The following RNF38 variants were observed in gnomAD, a reference collection of about 807,000 sequenced individuals.
The protein encoded by RNF38 is E3 ubiquitin-protein ligase RNF38.
Under a neutral mutation model 67.2 loss-of-function variants are expected in RNF38, and 15 were observed. The observed-to-expected ratio is 0.22, with a 90% CI of 0.15 to 0.34. RNF38 has a LOEUF of 0.34. RNF38 is among the 10% of genes least tolerant of loss of function. The pLI is 1.00. For missense variants in RNF38, 524 were observed against 639.9 expected (o/e 0.82, Z 1.95); for synonymous variants, 220 against 218.8 (o/e 1.01, Z -0.05).
At chr9:36,399,998 T>C (rs1490204045) in intron 1 of RNF38, 99 bp downstream of exon 1, 5 of 1,079,678 alleles carry the variant, frequency 4.6e-6, no homozygotes, top group East Asian at 2.5e-5. Flanking sequence ...GTGGCAATAA[T>C]TACATGTGTG....
chr9:36,375,883 A>G (rs538979814), intron 3 of RNF38, 51 bp downstream of exon 3: 1 of 1,521,610 alleles, frequency 6.6e-7, no homozygotes, highest in South Asian at 1.2e-5. Context: ...AAATATACTC[A>G]CAAATCTACC....
chr9:36,421,426 G>A lies in RNF38; in HGVS notation n.312+3187C>T, dbSNP rs185046574. Among the ~76,000 whole-genome samples the A allele has an allele frequency of 9.1e-4, 139 of 152,232 alleles. 1 individual carries two copies. Among genetic ancestry groups the A allele is most frequent in the African/African-American group, 3.2e-3 (133 of 41,540 alleles). ...CGCCTGTAATACCAGCACTTTGGGA[G>A]GCTGAGGTGGGAGGATCACTTGAGG... On this transcript the variant is annotated intron_variant and non_coding_transcript_variant, in intron 2 of 3. Transcript: ENST00000488058.
At chr9:36,382,240 T>C (rs140828275) in intron 2 of RNF38, among the ~76,000 whole-genome samples, 2,504 of 152,310 alleles carry the variant, frequency 0.016, 39 homozygotes, top group Non-Finnish European at 0.024. Flanking sequence ...TTTAATAATA[T>C]AGAACGTTGT....
Position 36,389,368 on chromosome 9 carries a change from T to C in RNF38, c.162+1099A>G, listed in dbSNP as rs74392884. Among the ~76,000 whole-genome samples the C allele has an allele frequency of 6.2e-3, 946 of 151,836 alleles. 13 individuals are homozygous for C. The highest frequency in any genetic ancestry group is 0.022 in the African/African-American group (903 of 41,386). ...CCAAAAAAAAAAAAAAAACCCTTTTTATTGGTGGCAGTATTAAGGGTATTA... is the reference window on the plus strand; with the variant it reads ...CCAAAAAAAAAAAAAAAACCCTTTTCATTGGTGGCAGTATTAAGGGTATTA... On this transcript the variant is annotated intron_variant, in intron 2 of 11. Transcript: ENST00000259605.
upstream of RNF38, chr9:36,401,299 CCCCAG>C: frequency 1.2e-6 from 1 of 827,034 alleles, no homozygotes; most frequent in Non-Finnish European, 1.5e-6. Context: ...CGCAGCCCCG[CCCCAG>C]CCCGCCCCCC....
intron 9 of RNF38, among the ~76,000 whole-genome samples, chr9:36,348,933 G>A (rs544626220): frequency 1.2e-4 from 19 of 152,042 alleles, no homozygotes; most frequent in African/African-American, 2.9e-4. Flanking sequence ...AAGAAAAGGC[G>A]GCAGTGCCTG....
At chr9:36,458,559 T>G (rs1217121353) in intron 1 of RNF38, among the ~76,000 whole-genome samples, 1 of 149,972 alleles carries the variant, frequency 6.7e-6, no homozygotes, top group Non-Finnish European at 1.5e-5. Flanking sequence ...AACAAACAAC[T>G]CCTGACGTGC....
intron 1 of RNF38, among the ~76,000 whole-genome samples, chr9:36,463,563 G>A (rs191761835): frequency 1.3e-4 from 19 of 151,850 alleles, no homozygotes; most frequent in Non-Finnish European, 2.2e-4. Flanking sequence ...TTACCTTTTG[G>A]GTAAAGCAAG....
At chr9:36,419,699 G>A (rs185004310) in intron 2 of RNF38, among the ~76,000 whole-genome samples, 353 of 152,306 alleles carry the variant, frequency 2.3e-3, no homozygotes, top group Admixed American at 9.0e-3. Flanking sequence ...CACGGCATCT[G>A]TATTCCCAGC....
intron 1 of RNF38, among the ~76,000 whole-genome samples, chr9:36,475,390 C>T (rs1840100173): frequency 6.6e-6 from 1 of 151,520 alleles, no homozygotes; most frequent in South Asian, 2.1e-4. Context: ...ACAGAGTCTC[C>T]CTCTGTCACC....
chr9:36,414,687 CAAAA>C (rs549559098), intron 2 of RNF38, among the ~76,000 whole-genome samples: 6 of 70,020 alleles, frequency 8.6e-5, no homozygotes, highest in Non-Finnish European at 6.6e-5. Context: ...ACTCTGTCTC[CAAAA>C]AAAAAAAAAA....
At chr9:36,452,316 C>A (rs1201430659) in intron 1 of RNF38, among the ~76,000 whole-genome samples, 2 of 152,118 alleles carry the variant, frequency 1.3e-5, no homozygotes, top group African/African-American at 4.8e-5. Flanking sequence ...TTTTCATCAT[C>A]CCAAAAAGAA....
Position 36,478,463 on chromosome 9 carries a change from T to G in RNF38, n.241+8845A>C, listed in dbSNP as rs138826891. On this transcript the variant is annotated intron_variant and non_coding_transcript_variant, in intron 1 of 3. Coordinates refer to the RNF38 transcript ENST00000488058. ...AGCATACATCCCCAGATAAACTGAT[T>G]TTTTTTCTGGTAGCAATAGGGAGAA... 3.9e-4 allele frequency among the ~76,000 whole-genome samples: 59 copies of G among 150,814 alleles called. No homozygotes were observed. The East Asian group carries it at 0.011, about 29-fold the overall frequency.
chr9:36,366,875 G>A (rs1328955536), intron 4 of RNF38, among the ~76,000 whole-genome samples: 1 of 152,164 alleles, frequency 6.6e-6, no homozygotes, highest in Non-Finnish European at 1.5e-5. Flanking sequence ...GGGGAACTGA[G>A]AACCAAAATG....
At chr9:36,418,948 G>C (rs1838547259) in intron 2 of RNF38, among the ~76,000 whole-genome samples, 1 of 152,140 alleles carries the variant, frequency 6.6e-6, no homozygotes, top group Non-Finnish European at 1.5e-5. Context: ...GGGCAATGGA[G>C]CAAGACTCCA....
intron 1 of RNF38, among the ~76,000 whole-genome samples, chr9:36,478,460 G>T (rs1840175904): frequency 6.9e-6 from 1 of 144,450 alleles, no homozygotes; most frequent in Non-Finnish European, 1.5e-5. Flanking sequence ...CAGATAAACT[G>T]ATTTTTTTTC....
In RNF38 at chr9:36,434,516, G is replaced by A. The variant is rs530881430; in HGVS notation, n.242-9833C>T. 1.1e-3 allele frequency among the ~76,000 whole-genome samples: 173 copies of A among 152,268 alleles called. 1 individual carries two copies. Among genetic ancestry groups the A allele is most frequent in the African/African-American group, 4.0e-3 (167 of 41,570 alleles). ...TTCTCCTGCCTTAACCTCCCAGGTA[G>A]CTGGGATTACACGCATGCGCCACCA... On this transcript the variant is annotated intron_variant and non_coding_transcript_variant, in intron 1 of 3. Transcript: ENST00000488058.
intron 1 of RNF38, among the ~76,000 whole-genome samples, chr9:36,464,701 C>T (rs1839819903): frequency 6.6e-6 from 1 of 152,022 alleles, no homozygotes; most frequent in Admixed American, 6.6e-5. Flanking sequence ...TATACATACA[C>T]TGTATAGCTA....
At chr9:36,428,412 C>CA (rs778711781) in intron 1 of RNF38, among the ~76,000 whole-genome samples, 1,570 of 125,308 alleles carry the variant, frequency 0.013, 14 homozygotes, top group Middle Eastern at 0.022. Context: ...GACCCTGTCT[C>CA]AAAAAAAAAA....
Sources: allele counts gnomAD v4.1 joint callset (sites outside exome capture counted in the v4.1 genomes callset), GRCh38; gene constraint gnomAD v4.1.1; transcripts MANE v1.5; gene names NCBI Gene and HGNC (gene_info 2026-07-23, HGNC 2026-07-21).